Variants in NECAB3 observed in about 807,000 individuals in gnomAD.
NECAB3 encodes the protein N-terminal EF-hand calcium binding protein 3, also known as N-terminal EF-hand calcium-binding protein 3.
Under a neutral mutation model 57.2 loss-of-function variants are expected in NECAB3, and 38 were observed. That is an observed-to-expected ratio of 0.66 (90% confidence interval 0.51 to 0.87). NECAB3 has a LOEUF of 0.87. Ranked by LOEUF, NECAB3 falls within the 40% of genes least tolerant of loss-of-function variation. The pLI, the probability that NECAB3 is intolerant of heterozygous loss-of-function variation, is 0.00. For synonymous variants in NECAB3, 223 were observed against 222.6 expected (o/e 1.00, Z -0.02); for missense variants, 474 against 527.5 (o/e 0.90, Z 0.99).
chr20:33,659,390 C>T, intron 8 of NECAB3, 107 bp downstream of exon 8: 1 of 967,418 alleles, frequency 1.0e-6, no homozygotes, highest in South Asian at 2.1e-5. Context: ...GGGGGCGGGG[C>T]ACATGCGCAC....
At chr20:33,658,103 C>A in intron 10 of NECAB3, 70 bp from the exon 11 acceptor site, 1 of 1,380,618 alleles carries the variant, frequency 7.2e-7, no homozygotes, top group Admixed American at 2.1e-5. Flanking sequence ...AGGATCAGAC[C>A]CCGGCCCTTC....
chr20:33,663,821 AG>A, intron 5 of NECAB3: 1 of 1,382,006 alleles, frequency 7.2e-7, no homozygotes, highest in Non-Finnish European at 9.3e-7. Flanking sequence ...GGCCCCGCCG[AG>A]GAGCAGCCGC....
chr20:33,669,213 C>T (rs1180292314), intron 5 of NECAB3, 162 bp downstream of exon 5: 3 of 629,172 alleles, frequency 4.8e-6, no homozygotes, highest in Non-Finnish European at 5.6e-6. Flanking sequence ...GATGAGGAAA[C>T]AGGCCCAGAG....
intron 5 of NECAB3, chr20:33,667,444 C>T (rs2017693114): frequency 1.4e-6 from 2 of 1,414,798 alleles, no homozygotes; most frequent in East Asian, 2.7e-5. Context: ...GCCCGCGGGC[C>T]GCGAAAGGGT....
At chr20:33,672,880 A>G (rs527740335) in intron 1 of NECAB3, among the ~76,000 whole-genome samples, 1 of 152,022 alleles carries the variant, frequency 6.6e-6, no homozygotes, top group Non-Finnish European at 1.5e-5. Context: ...GCCCTCTCTG[A>G]GCTGTTTCCT....
chr20:33,671,577 G>A (rs956519573), intron 2 of NECAB3, among the ~76,000 whole-genome samples: 14 of 152,178 alleles, frequency 9.2e-5, no homozygotes, highest in Admixed American at 1.3e-4. Flanking sequence ...ACAAGAGGGC[G>A]TGAAGACCCA....
chr20:33,660,504 G>A lies in NECAB3; in HGVS notation c.388-109C>T, dbSNP rs555853343. 1.4e-6 allele frequency: 2 copies of A among 1,440,954 alleles called. No homozygotes were observed. Among genetic ancestry groups the A allele is most frequent in the African/African-American group, 2.8e-5 (2 of 71,472 alleles). 89.3% of individuals were successfully genotyped at this position (1,440,954 alleles called of 1,614,324 possible). The stretch of plus-strand genomic sequence containing the variant: ...GCAGCGGTGGCAGTGCCAAGAGCAG[G>A]GGCACGCAAACCTGGCACAGGCAGG... On this transcript the variant is annotated intron_variant, in intron 5 of 11. Coordinates refer to ENST00000246190, the MANE Select transcript of NECAB3 (RefSeq NM_031232.4). This position sits in a 1 kb window ranked among gnomAD's most constrained non-coding sequence, Gnocchi z 4.1.
chr20:33,657,524 G>A lies in NECAB3; in HGVS notation c.*305C>T, dbSNP rs953770766. Reference sequence around the variant, plus strand: ...GCCTGAGGCCCACCCAGACAGGGACGGGACCTGCCCTGGGTCGCTCAGCCA... The same window carrying A: ...GCCTGAGGCCCACCCAGACAGGGACAGGACCTGCCCTGGGTCGCTCAGCCA... On this transcript the variant is annotated 3_prime_UTR_variant, in exon 12 of 12. Transcript: ENST00000246190. 8.3e-6 allele frequency: 3 copies of A among 360,220 alleles called. No homozygotes were observed. The highest frequency in any genetic ancestry group is 1.4e-5 in the Non-Finnish European group (3 of 213,706). The allele number at this position is 360,220 out of a possible 1,614,324, so 22.3% of individuals were successfully genotyped here.
intron 5 of NECAB3, chr20:33,667,329 G>T: frequency 3.4e-6 from 3 of 875,906 alleles, no homozygotes; most frequent in Non-Finnish European, 4.6e-6. Flanking sequence ...GCGTGGTGGC[G>T]GACTGGGAGG....
In NECAB3 at chr20:33,660,152, C is replaced by A; in HGVS notation, c.524+107G>T. Reference sequence around the variant, plus strand: ...CCATGGCTACCCTGCCATGGCTTCCCCGCCCGAAAATGCAGGCTCCAGGAT... The same window carrying A: ...CCATGGCTACCCTGCCATGGCTTCCACGCCCGAAAATGCAGGCTCCAGGAT... On this transcript the variant is annotated intron_variant, in intron 6 of 11. Transcript: ENST00000246190. This position sits in a 1 kb window ranked among gnomAD's most constrained non-coding sequence, Gnocchi z 4.1. 1 of 1,534,494 alleles carries A rather than the reference C, an allele frequency of 6.5e-7. No homozygotes were observed. The highest frequency in any genetic ancestry group is 1.2e-5 in the South Asian group (1 of 81,352).
Position 33,660,386 on chromosome 20 carries a change from TCTC to T in NECAB3, c.394_396del (p.Glu132del). 6.2e-7 allele frequency: 1 copy of T among 1,613,620 alleles called. No individual in the cohort carries two copies. The highest frequency in any genetic ancestry group is 8.5e-7 in the Non-Finnish European group (1 of 1,179,922). Reference sequence around the variant, plus strand: ...ACAAACTGGTCCACTTTGGAGGCCCTCTCGTACTCCTGTGGGCCAAGGAGGGAC... The same window carrying T: ...ACAAACTGGTCCACTTTGGAGGCCCTGTACTCCTGTGGGCCAAGGAGGGAC... On this transcript the variant is annotated inframe_deletion, in exon 6 of 12. Transcript: ENST00000246190. This position sits in a 1 kb window ranked among gnomAD's most constrained non-coding sequence, Gnocchi z 4.1.
At chr20:33,671,662 A>C (rs955912926) in intron 2 of NECAB3, among the ~76,000 whole-genome samples, 3 of 152,204 alleles carry the variant, frequency 2.0e-5, no homozygotes, top group African/African-American at 4.8e-5. Flanking sequence ...GGCTGCTCCA[A>C]GTCATCTAGG....
At position 33,660,805 on chromosome 20, in the gene NECAB3, C is replaced by T. The variant is rs2017448947; in HGVS notation, c.388-410G>A. 1.3e-5 allele frequency among the ~76,000 whole-genome samples: 2 copies of T among 152,218 alleles called. No individual in the cohort carries two copies. The highest frequency in any genetic ancestry group is 2.9e-5 in the Non-Finnish European group (2 of 68,032). ...GCAAAATAATGGCGTGGTGTGGCCCCAGACTCACAATCTACGTATTCACTC... is the reference window on the plus strand; with the variant it reads ...GCAAAATAATGGCGTGGTGTGGCCCTAGACTCACAATCTACGTATTCACTC... On this transcript the variant is annotated intron_variant, in intron 5 of 11. Transcript: ENST00000246190. This position sits in a 1 kb window ranked among gnomAD's most constrained non-coding sequence, Gnocchi z 4.1.
intron 1 of NECAB3, among the ~76,000 whole-genome samples, chr20:33,673,012 A>G (rs1413658329): frequency 1.3e-5 from 2 of 152,074 alleles, no homozygotes; most frequent in Non-Finnish European, 2.9e-5. Flanking sequence ...GGGGCTTCCT[A>G]TGGGGCTGAC....
In NECAB3 at chr20:33,674,260, G is replaced by T; in HGVS notation, c.93C>A (p.Pro31=). ...PQTPRHPQLA[P]DPGPAGHTLF... ...GCGTGTGTCCGGCGGGCCCCGGGTCGGGCGCGAGCTGGGGGTGCCGCGGGG... is the reference window on the plus strand; with the variant it reads ...GCGTGTGTCCGGCGGGCCCCGGGTCTGGCGCGAGCTGGGGGTGCCGCGGGG... The change falls in exon 1 of 12, where the codon CCC becomes CCA. Residue 31 remains proline, a synonymous_variant. Coordinates refer to ENST00000246190, the MANE Select transcript of NECAB3 (RefSeq NM_031232.4). 4 of 1,232,822 alleles carry T rather than the reference G, an allele frequency of 3.2e-6. No homozygotes were observed. The highest frequency in any genetic ancestry group is 4.1e-6 in the Non-Finnish European group (4 of 987,576). The allele number at this position is 1,232,822 out of a possible 1,614,324, so 76.4% of individuals were successfully genotyped here.
At position 33,662,287 on chromosome 20, in the gene NECAB3, C is replaced by T. The variant is rs2017501106; in HGVS notation, c.388-1892G>A. On this transcript the variant is annotated intron_variant, in intron 5 of 11. Transcript: ENST00000246190. Reference sequence around the variant, plus strand: ...CCGTGAGGTCACAATGTTGCCAGGGCCCAGGGGGCAGAGCAGACGGAGTGT... The same window carrying T: ...CCGTGAGGTCACAATGTTGCCAGGGTCCAGGGGGCAGAGCAGACGGAGTGT... The T allele has an allele frequency of 3.2e-6, 5 of 1,538,886 alleles. No individual in the cohort carries two copies. The African/African-American group carries it at 6.9e-5, about 21-fold the overall frequency.
rs533373942 is a variant in NECAB3, at chr20:33,659,412, G to C, written c.879+85C>G. On this transcript the variant is annotated intron_variant, in intron 8 of 11. Coordinates refer to ENST00000246190, the MANE Select transcript of NECAB3 (RefSeq NM_031232.4). The stretch of plus-strand genomic sequence containing the variant: ...GGGCACATGCGCACTGCAGAGGGTT[G>C]GTGGGCAACCGGCCCCATGAATCCC... The C allele has an allele frequency of 1.5e-5, 18 of 1,235,352 alleles. No homozygotes were observed. The African/African-American group carries it at 2.6e-4, about 18-fold the overall frequency. 76.5% of individuals were successfully genotyped at this position (1,235,352 alleles called of 1,614,324 possible).
rs779153186 is a variant in NECAB3, at chr20:33,670,784, T to G, written c.163A>C (p.Lys55Gln). 4 of 1,613,426 alleles carry G rather than the reference T, an allele frequency of 2.5e-6. No homozygotes were observed. Among genetic ancestry groups the G allele is most frequent in the Non-Finnish European group, 3.4e-6 (4 of 1,179,496 alleles). ...TTCTGGAATTCCTCAAATGAGAGCT[T>G]CCCATCATCTGGGGTGGCAGGGGGA... Reference protein sequence around the residue: ...FRRADKNDDGKLSFEEFQNYF... With the variant: ...FRRADKNDDGQLSFEEFQNYF... Residue 55 changes from lysine (K) to glutamine (Q), a missense_variant, in exon 3 of 12, where the codon AAG becomes CAG. Coordinates refer to ENST00000246190, the MANE Select transcript of NECAB3 (RefSeq NM_031232.4).
In NECAB3 at chr20:33,657,477, AC is replaced by A; in HGVS notation, c.*351del. The stretch of plus-strand genomic sequence containing the variant: ...CCCAAGACAGCAGGAAGAAAGCAGG[AC>A]CCTCGCTAGGCGGCCAGATGGCCTG... On this transcript the variant is annotated 3_prime_UTR_variant, in exon 12 of 12. Transcript: ENST00000246190. The A allele has an allele frequency of 3.2e-6, 1 of 307,830 alleles. No individual in the cohort carries two copies. 19.1% of individuals were successfully genotyped at this position (307,830 alleles called of 1,614,324 possible).
Sources: allele counts gnomAD v4.1 joint callset (sites outside exome capture counted in the v4.1 genomes callset), GRCh38; gene constraint gnomAD v4.1.1; non-coding constraint Gnocchi (gnomAD v3.1); transcripts MANE v1.5; gene names NCBI Gene and HGNC (gene_info 2026-07-23, HGNC 2026-07-21).